The following MKLN1 variants were observed in gnomAD, a reference collection of about 807,000 sequenced individuals.
The protein encoded by MKLN1 is muskelin 1, also known as muskelin.
MKLN1 carries 18 observed loss-of-function variants against 99.0 expected under a neutral mutation model. The ratio of observed to expected loss-of-function variants is 0.18; its 90% CI spans 0.13 to 0.27. The LOEUF is 0.27. Ranked by LOEUF, MKLN1 falls within the 10% of genes least tolerant of loss-of-function variation. The pLI is 1.00. For missense variants in MKLN1, 621 were observed against 875.9 expected (o/e 0.71, Z 3.67); for synonymous variants, 288 against 293.2 (o/e 0.98, Z 0.18).
At chr7:131,338,195 T>C (rs558555844) in intron 1 of MKLN1, among the ~76,000 whole-genome samples, 2 of 152,372 alleles carry the variant, frequency 1.3e-5, no homozygotes, top group Middle Eastern at 3.4e-3. Flanking sequence ...CCTTTTGCTA[T>C]GTGCAGTTTA....
chr7:131,120,548 CAAAAAAA>C (rs55945614), intron 1 of MKLN1, among the ~76,000 whole-genome samples: 6 of 98,130 alleles, frequency 6.1e-5, no homozygotes, highest in African/African-American at 2.0e-4. Flanking sequence ...GACTCCCTCT[CAAAAAAA>C]AAAAAAAAAA....
At chr7:131,140,565 C>G (rs568875063) in intron 1 of MKLN1, among the ~76,000 whole-genome samples, 26 of 152,288 alleles carry the variant, frequency 1.7e-4, no homozygotes, top group Admixed American at 4.6e-4. Flanking sequence ...CACTCGTGCT[C>G]TCTCTCTGGC....
intron 1 of MKLN1, among the ~76,000 whole-genome samples, chr7:131,331,336 C>T (rs1799067397): frequency 1.3e-5 from 2 of 152,172 alleles, no homozygotes; most frequent in African/African-American, 4.8e-5. Flanking sequence ...TGAGTACTTT[C>T]TATTCTTCAG....
Position 131,214,744 on chromosome 7 carries a change from C to G in MKLN1, c.-179+11770C>G, listed in dbSNP as rs73151591. On this transcript the variant is annotated intron_variant, in intron 3 of 7. Coordinates refer to the MKLN1 transcript ENST00000416992. ...GACTTTGTAATCACTGTACCATGTT[C>G]CATAATCAGGTTGGGATTTTTCAAA... 3.3e-5 allele frequency among the ~76,000 whole-genome samples: 5 copies of G among 152,222 alleles called. No homozygotes were observed. The East Asian group carries it at 9.7e-4, about 29-fold the overall frequency.
At chr7:131,384,330 G>A (rs949883148) in intron 2 of MKLN1, among the ~76,000 whole-genome samples, 1 of 149,750 alleles carries the variant, frequency 6.7e-6, no homozygotes, top group Non-Finnish European at 1.5e-5. Flanking sequence ...GAGCATCTTT[G>A]ATTAGGGTGG....
intron 3 of MKLN1, among the ~76,000 whole-genome samples, chr7:131,309,462 GT>G (rs937548530): frequency 1.4e-4 from 22 of 151,846 alleles, no homozygotes; most frequent in Non-Finnish European, 1.9e-4. Flanking sequence ...GTGCAATGGT[GT>G]GATCTTGGCT....
chr7:131,440,276 G>A (rs1795800735), intron 10 of MKLN1, among the ~76,000 whole-genome samples: 1 of 152,182 alleles, frequency 6.6e-6, no homozygotes, highest in Admixed American at 6.5e-5. Flanking sequence ...AACCTGGGGA[G>A]CTCAAAGCTT....
At chr7:131,237,950 C>T (rs1249533986) in intron 3 of MKLN1, among the ~76,000 whole-genome samples, 1 of 152,066 alleles carries the variant, frequency 6.6e-6, no homozygotes, top group East Asian at 1.9e-4. Flanking sequence ...AGTTCGACAC[C>T]AGCCTGGTCA....
chr7:131,358,372 T>C (rs1046369987), intron 1 of MKLN1, among the ~76,000 whole-genome samples: 3 of 152,222 alleles, frequency 2.0e-5, no homozygotes, highest in African/African-American at 7.2e-5. Context: ...GAAATAGCCC[T>C]GTAATAAGTA....
intron 2 of MKLN1, among the ~76,000 whole-genome samples, chr7:131,146,843 A>C (rs1325484353): frequency 9.2e-5 from 14 of 152,190 alleles, no homozygotes; most frequent in Non-Finnish European, 4.4e-5. Context: ...AGGTATGTCC[A>C]ATGTGTGAAG....
chr7:131,242,274 G>A lies in MKLN1; in HGVS notation c.-179+39300G>A, dbSNP rs544262789. On this transcript the variant is annotated intron_variant, in intron 3 of 7. Transcript: ENST00000416992. ...CAGCTGGCTAGGTATGGTGGCTCAC[G>A]CCTGTAATCCCAGCAATTTGGGAGG... 1.7e-4 allele frequency among the ~76,000 whole-genome samples: 26 copies of A among 152,272 alleles called. No homozygotes were observed. In the East Asian group the frequency reaches 2.9e-3, roughly 17 times the overall value.
chr7:131,312,779 A>G (rs1442203339), intron 3 of MKLN1, among the ~76,000 whole-genome samples: 1 of 152,210 alleles, frequency 6.6e-6, no homozygotes, highest in Non-Finnish European at 1.5e-5. Flanking sequence ...GTTAACTCTT[A>G]GTAACCCTAA....
At chr7:131,236,709 G>T (rs944363616) in intron 3 of MKLN1, among the ~76,000 whole-genome samples, 1 of 152,136 alleles carries the variant, frequency 6.6e-6, no homozygotes, top group Admixed American at 6.6e-5. Flanking sequence ...GGGTGTGATG[G>T]TGCAGTGGCT....
intron 3 of MKLN1, among the ~76,000 whole-genome samples, chr7:131,320,927 A>G (rs1377794886): frequency 6.6e-6 from 1 of 152,196 alleles, no homozygotes; most frequent in African/African-American, 2.4e-5. Flanking sequence ...AAGTCAGGAA[A>G]CAACAGATGC....
intron 1 of MKLN1, among the ~76,000 whole-genome samples, chr7:131,117,824 C>T (rs1795302008): frequency 6.6e-6 from 1 of 152,110 alleles, no homozygotes; most frequent in South Asian, 2.1e-4. Flanking sequence ...TTTAAAGAAA[C>T]TGATGATTGA....
In MKLN1 at chr7:131,173,971, T is replaced by TC. The variant is rs766825813; in HGVS notation, c.-296-28886_-296-28885insC. 5.6e-4 allele frequency among the ~76,000 whole-genome samples: 75 copies of TC among 133,812 alleles called. 2 individuals are homozygous for TC. The highest frequency in any genetic ancestry group is 3.4e-4 in the African/African-American group (12 of 34,964). 87.8% of individuals were successfully genotyped at this position (133,812 alleles called of 152,430 possible). A position where few individuals can be genotyped will look rare whatever the true frequency, so the allele number is the denominator to read the frequency against. On this transcript the variant is annotated intron_variant, in intron 2 of 7. Transcript: ENST00000416992. ...TCCAGAGTTTAAAGACCTTTTTCTT[T>TC]TTCTTTTTTTTTTTTTTTTGAGACG...
At chr7:131,388,750 C>G in intron 3 of MKLN1, 134 bp from the exon 4 acceptor site, 1 of 554,882 alleles carries the variant, frequency 1.8e-6, no homozygotes, top group Non-Finnish European at 3.2e-6. Context: ...TGTTCAACTA[C>G]TTGTTTATAT....
At chr7:131,404,251 T>G (rs1203701792) in intron 6 of MKLN1, among the ~76,000 whole-genome samples, 1 of 152,178 alleles carries the variant, frequency 6.6e-6, no homozygotes, top group African/African-American at 2.4e-5. Context: ...TCTAAAAGTG[T>G]TTGTGTAGAA....
chr7:131,333,836 A>G (rs1386768917), intron 1 of MKLN1, among the ~76,000 whole-genome samples: 2 of 152,178 alleles, frequency 1.3e-5, no homozygotes, highest in Non-Finnish European at 2.9e-5. Context: ...CAGCCTGGAA[A>G]AAAATTTTGA....
Sources: allele counts gnomAD v4.1 joint callset (sites outside exome capture counted in the v4.1 genomes callset), GRCh38; gene constraint gnomAD v4.1.1; transcripts MANE v1.5; gene names NCBI Gene and HGNC (gene_info 2026-07-23, HGNC 2026-07-21).